The following CDK17 variants were observed in gnomAD, a reference collection of about 807,000 sequenced individuals.
CDK17 encodes the protein cyclin dependent kinase 17.
CDK17 carries 24 observed loss-of-function variants against 77.6 expected under a neutral mutation model. That is an observed-to-expected ratio of 0.31 (90% CI 0.22 to 0.44). CDK17 has a LOEUF of 0.44. CDK17 is among the 20% of genes least tolerant of loss of function. CDK17 has a pLI of 1.00. For synonymous variants in CDK17, 203 were observed against 210.4 expected (o/e 0.96, Z 0.30); for missense variants, 429 against 622.5 (o/e 0.69, Z 3.31).
At chr12:96,290,632 T>C (rs1027220233) in intron 10 of CDK17, among the ~76,000 whole-genome samples, 1 of 152,200 alleles carries the variant, frequency 6.6e-6, no homozygotes, top group African/African-American at 2.4e-5. Flanking sequence ...CAAATTATTT[T>C]CATACCAATT....
At chr12:96,364,880 A>G (rs544795429) in intron 1 of CDK17, among the ~76,000 whole-genome samples, 1 of 152,344 alleles carries the variant, frequency 6.6e-6, no homozygotes, top group East Asian at 1.9e-4. Context: ...TCAAGGACTC[A>G]GGAAGACCTC....
At chr12:96,399,707 A>G (rs371898339) in intron 1 of CDK17, among the ~76,000 whole-genome samples, 28 of 151,764 alleles carry the variant, frequency 1.8e-4, no homozygotes, top group South Asian at 6.2e-4. Flanking sequence ...GGCGGCGTCT[A>G]TATCTGTCGG....
chr12:96,393,001 A>C (rs1011827228), intron 1 of CDK17, among the ~76,000 whole-genome samples: 13 of 152,206 alleles, frequency 8.5e-5, no homozygotes, highest in African/African-American at 3.1e-4. Context: ...AAAAATACCA[A>C]CTGCAAACCT....
chr12:96,329,013 C>T (rs1269153429), intron 2 of CDK17, among the ~76,000 whole-genome samples: 4 of 152,000 alleles, frequency 2.6e-5, no homozygotes, highest in Non-Finnish European at 4.4e-5. Flanking sequence ...GAAACCTTGG[C>T]GACAATATGC....
chr12:96,369,170 A>G (rs568687310), intron 1 of CDK17, among the ~76,000 whole-genome samples: 2 of 152,246 alleles, frequency 1.3e-5, no homozygotes, highest in East Asian at 1.9e-4. Flanking sequence ...AAAAAAGTAT[A>G]TATCTATATA....
chr12:96,294,768 G>C (rs1222965741), intron 10 of CDK17, among the ~76,000 whole-genome samples: 1 of 151,906 alleles, frequency 6.6e-6, no homozygotes, highest in African/African-American at 2.4e-5. Flanking sequence ...GGTCTCAGGA[G>C]CCCTAGGGGT....
At chr12:96,306,442 G>A (rs1183428447) in intron 5 of CDK17, among the ~76,000 whole-genome samples, 7 of 151,518 alleles carry the variant, frequency 4.6e-5, no homozygotes, top group South Asian at 2.1e-4. Context: ...ATATATATAT[G>A]AGAACAACAC....
chr12:96,298,386 A>G (rs1166270546), intron 7 of CDK17, among the ~76,000 whole-genome samples: 3 of 152,084 alleles, frequency 2.0e-5, no homozygotes, highest in African/African-American at 4.8e-5. Context: ...AACATTCTCC[A>G]TATCATCTTC....
At chr12:96,380,624 T>C (rs138136019) in intron 1 of CDK17, among the ~76,000 whole-genome samples, 2 of 152,274 alleles carry the variant, frequency 1.3e-5, no homozygotes, top group East Asian at 3.9e-4. Flanking sequence ...AAGCAACCCT[T>C]TGAGAGTACT....
At chr12:96,318,285 C>A (rs1952761791) in intron 3 of CDK17, among the ~76,000 whole-genome samples, 1 of 151,656 alleles carries the variant, frequency 6.6e-6, no homozygotes, top group Non-Finnish European at 1.5e-5. Flanking sequence ...ACAGGAGCAC[C>A]CAGATTCATC....
intron 3 of CDK17, among the ~76,000 whole-genome samples, chr12:96,323,292 AAAC>A (rs1294060501): frequency 1.1e-4 from 11 of 101,028 alleles, no homozygotes; most frequent in Admixed American, 5.0e-4. Context: ...AAACAAAAAC[AAAC>A]AAACAAACAA....
chr12:96,312,988 G>T (rs112185184), intron 4 of CDK17, among the ~76,000 whole-genome samples: 30 of 152,222 alleles, frequency 2.0e-4, no homozygotes, highest in Non-Finnish European at 3.5e-4. Context: ...CTAAAAAGAA[G>T]ACATTGCTAA....
intron 1 of CDK17, among the ~76,000 whole-genome samples, chr12:96,350,534 T>C (rs577998076): frequency 6.6e-6 from 1 of 152,200 alleles, no homozygotes; most frequent in East Asian, 1.9e-4. Context: ...AATAGATATA[T>C]ATAGACCAAC....
chr12:96,310,663 T>C (rs1952634957), intron 5 of CDK17, among the ~76,000 whole-genome samples: 1 of 151,654 alleles, frequency 6.6e-6, no homozygotes, highest in Non-Finnish European at 1.5e-5. Context: ...CACAGGTATA[T>C]TAACATTTCA....
At chr12:96,334,125 A>G (rs1953008547) in intron 2 of CDK17, among the ~76,000 whole-genome samples, 1 of 152,242 alleles carries the variant, frequency 6.6e-6, no homozygotes, top group Admixed American at 6.5e-5. Flanking sequence ...ACTGAAAGCC[A>G]GTCACGTAAG....
chr12:96,372,502 C>A (rs1013696497), intron 1 of CDK17, among the ~76,000 whole-genome samples: 1 of 152,068 alleles, frequency 6.6e-6, no homozygotes, highest in African/African-American at 2.4e-5. Flanking sequence ...TGTTCACATA[C>A]CAATCCTAAC....
intron 1 of CDK17, among the ~76,000 whole-genome samples, chr12:96,395,573 G>C (rs1014628190): frequency 2.0e-5 from 3 of 152,212 alleles, no homozygotes; most frequent in Admixed American, 2.0e-4. Context: ...GTGCCTAGTA[G>C]AGGAGGTAAA....
rs1230852969 is a variant in CDK17 at position 96,324,025 on chromosome 12, G to A, written c.206C>T (p.Pro69Leu). The change falls in exon 3 of 17, where the codon CCA (proline) becomes CTA (leucine). Residue 69 changes from proline (P) to leucine (L), a missense_variant. Pro to Leu is a moderately conservative substitution (Grantham distance 98). This residue lies in a region of CDK17 where 262 missense variants were observed against 385.4 expected (regional missense o/e 0.68). Coordinates refer to ENST00000261211, the MANE Select transcript of CDK17 (RefSeq NM_002595.5). ...HQYTGSFKKP[P>L]LRRPHSVIGG... ...AATAACACTGTGTGGTCTCCGCAAT[G>A]GGGGCTTCTTGAAAGATCCTGTGTA... 3 of 1,612,186 alleles carry A rather than the reference G, an allele frequency of 1.9e-6. No homozygotes were observed. The highest frequency in any genetic ancestry group is 3.3e-5 in the Admixed American group (2 of 59,784).
intron 1 of CDK17, among the ~76,000 whole-genome samples, chr12:96,370,070 T>C (rs1310739705): frequency 6.6e-6 from 1 of 152,082 alleles, no homozygotes; most frequent in Non-Finnish European, 1.5e-5. Flanking sequence ...ATTTTAAAAA[T>C]AAAAAAAGTC....
Sources: allele counts gnomAD v4.1 joint callset (sites outside exome capture counted in the v4.1 genomes callset), GRCh38; gene constraint gnomAD v4.1.1; regional missense constraint gnomAD v4.1.1; transcripts MANE v1.5; gene names NCBI Gene and HGNC (gene_info 2026-07-23, HGNC 2026-07-21).